Variants in GABRA3 observed in about 807,000 individuals in gnomAD.
The protein encoded by GABRA3 is gamma-aminobutyric acid receptor subunit alpha-3.
Under a neutral mutation model 30.1 loss-of-function variants are expected in GABRA3, and 10 were observed. The ratio of observed to expected loss-of-function variants is 0.33; its 90% confidence interval spans 0.20 to 0.56. The LOEUF (loss-of-function observed/expected upper bound fraction) is 0.56, where lower values mean the gene tolerates loss of function less well. GABRA3 is among the 20% of genes least tolerant of loss of function. The pLI is 0.89. For synonymous variants in GABRA3, 151 were observed against 146.8 expected (o/e 1.03, Z -0.21); for missense variants, 233 against 392.0 (o/e 0.59, Z 3.42).
chrX:152,405,042 T>G (rs1008228236), intron 1 of GABRA3, among the ~76,000 whole-genome samples: 2 of 108,311 alleles, frequency 1.8e-5, no homozygotes, highest in African/African-American at 3.4e-5. Flanking sequence ...TTTCAATATT[T>G]AATATAATAT....
intron 9 of GABRA3, among the ~76,000 whole-genome samples, chrX:152,172,444 A>G (rs1937015189): frequency 1.8e-5 from 2 of 112,037 alleles, no homozygotes; most frequent in Admixed American, 1.9e-4. Context: ...TCCACTTCTG[A>G]GTATATATCC....
intron 1 of GABRA3, among the ~76,000 whole-genome samples, chrX:152,424,928 C>CTTTTTTTTTTTTTTTTTTT (rs747255822): frequency 2.4e-5 from 1 of 42,358 alleles, no homozygotes; most frequent in Non-Finnish European, 3.8e-5. Context: ...TTTTTCTTTT[C>CTTTTTTTTTTTTTTTTTTT]TTTTTTTTTT....
At chrX:152,170,753 T>C (rs920217734) in intron 9 of GABRA3, among the ~76,000 whole-genome samples, 1 of 112,246 alleles carries the variant, frequency 8.9e-6, no homozygotes. Flanking sequence ...TATGCTCTCT[T>C]GCTTTGTCTG....
intron 7 of GABRA3, 122 bp downstream of exon 7, chrX:152,207,879 T>A (rs980846599): frequency 2.4e-5 from 17 of 696,730 alleles, no homozygotes; most frequent in Non-Finnish European, 3.6e-5. Context: ...AGTTTTCTCA[T>A]GATAATACTA....
chrX:152,257,467 G>A (rs1234264215), intron 4 of GABRA3, among the ~76,000 whole-genome samples: 1 of 112,921 alleles, frequency 8.9e-6, no homozygotes, highest in African/African-American at 3.2e-5. Context: ...CCAATCGTAT[G>A]TGGGATGAAC....
Position 152,197,628 on chromosome X carries a change from C to T in GABRA3, c.931+5G>A. The T allele has an allele frequency of 8.4e-7, 1 of 1,194,357 alleles. No homozygotes were observed. Among genetic ancestry groups the T allele is most frequent in the Non-Finnish European group, 1.1e-6 (1 of 885,663 alleles). On this transcript the variant is annotated splice_donor_5th_base_variant and intron_variant, in intron 8 of 9. Transcript: ENST00000370314. ...TTCCCCTACGCTCCATAAATTATCA[C>T]TCACCAAAGACTGTACGGGCAGGAA...
intron 1 of GABRA3, among the ~76,000 whole-genome samples, chrX:152,386,478 G>C (rs1276991176): frequency 9.0e-6 from 1 of 110,751 alleles, no homozygotes; most frequent in Non-Finnish European, 1.9e-5. Context: ...CCATCAAAAA[G>C]TGGGCGAAGG....
At chrX:152,258,153 A>T (rs1938668592) in intron 4 of GABRA3, among the ~76,000 whole-genome samples, 1 of 112,157 alleles carries the variant, frequency 8.9e-6, no homozygotes, top group Non-Finnish European at 1.9e-5. Context: ...TCCAGTAGTG[A>T]TTATGAAAAA....
At chrX:152,239,038 G>T (rs367705011) in intron 5 of GABRA3, among the ~76,000 whole-genome samples, 2 of 107,172 alleles carry the variant, frequency 1.9e-5, no homozygotes, top group Non-Finnish European at 3.9e-5. Flanking sequence ...TCTGCTAGCT[G>T]TTGAATGTGT....
chrX:152,291,495 C>T (rs754044961), intron 3 of GABRA3, among the ~76,000 whole-genome samples: 37 of 111,420 alleles, frequency 3.3e-4, no homozygotes, highest in Non-Finnish European at 6.8e-4. Context: ...TAATTGAATA[C>T]CCTTTATTTA....
chrX:152,219,062 T>A (rs1384891688), intron 6 of GABRA3, among the ~76,000 whole-genome samples: 1 of 111,401 alleles, frequency 9.0e-6, no homozygotes, highest in African/African-American at 3.3e-5. Context: ...CTTTAGGTTT[T>A]CTCATACGTC....
chrX:152,399,832 G>A (rs1929750345), intron 1 of GABRA3, among the ~76,000 whole-genome samples: 1 of 111,713 alleles, frequency 9.0e-6, no homozygotes. Context: ...CTAGAAGGAA[G>A]ACTGCAAAAC....
chrX:152,232,099 C>G (rs1411830808), intron 5 of GABRA3, among the ~76,000 whole-genome samples: 1 of 111,274 alleles, frequency 9.0e-6, no homozygotes, highest in African/African-American at 3.3e-5. Context: ...TTCTATAAAT[C>G]TACTAAAAAT....
chrX:152,365,232 G>T (rs1413804748), intron 1 of GABRA3, among the ~76,000 whole-genome samples: 1 of 111,461 alleles, frequency 9.0e-6, no homozygotes, highest in Admixed American at 9.6e-5. Flanking sequence ...ATTAGGTTGA[G>T]AAAATACTGA....
At chrX:152,366,808 C>T (rs1203753379) in intron 1 of GABRA3, among the ~76,000 whole-genome samples, 1 of 111,250 alleles carries the variant, frequency 9.0e-6, no homozygotes, top group African/African-American at 3.3e-5. Flanking sequence ...ATCATAGCAA[C>T]CATACTATAG....
At chrX:152,357,189 A>T (rs1940563245) in intron 2 of GABRA3, among the ~76,000 whole-genome samples, 1 of 111,813 alleles carries the variant, frequency 8.9e-6, no homozygotes, top group Non-Finnish European at 1.9e-5. Flanking sequence ...CAATGGCTGA[A>T]CTAATTTACA....
chrX:152,254,815 A>T (rs1222379445), intron 5 of GABRA3, among the ~76,000 whole-genome samples: 2 of 112,039 alleles, frequency 1.8e-5, no homozygotes, highest in East Asian at 5.6e-4. Flanking sequence ...TAGCCATAGA[A>T]GCTCCACTAC....
At chrX:152,325,572 C>G (rs1940041039) in intron 3 of GABRA3, among the ~76,000 whole-genome samples, 1 of 111,919 alleles carries the variant, frequency 8.9e-6, no homozygotes, top group Admixed American at 9.5e-5. Flanking sequence ...GCTGGTGATA[C>G]CCAGGCAAAG....
At chrX:152,323,496 A>G (rs1057149490) in intron 3 of GABRA3, among the ~76,000 whole-genome samples, 3 of 111,596 alleles carry the variant, frequency 2.7e-5, no homozygotes, top group Non-Finnish European at 3.8e-5. Flanking sequence ...ACATAAAAGT[A>G]AGGACTAAAT....
Sources: gnomAD v4.1 joint callset for allele counts (sites outside exome capture counted in the v4.1 genomes callset) on GRCh38, gnomAD v4.1.1 for gene constraint, MANE v1.5 for transcripts, NCBI Gene and HGNC (gene_info 2026-07-23, HGNC 2026-07-21) for gene names.